The following EPB41L1 variants were observed in gnomAD, a reference collection of about 807,000 sequenced individuals.
The protein encoded by EPB41L1 is band 4.1-like protein 1.
EPB41L1 carries 29 observed loss-of-function variants against 97.8 expected under a neutral mutation model. The observed-to-expected ratio is 0.30, with a 90% confidence interval of 0.22 to 0.40. EPB41L1 has a LOEUF of 0.40. Ranked by LOEUF, EPB41L1 falls within the 10% of genes least tolerant of loss-of-function variation. The pLI is 1.00. For synonymous variants in EPB41L1, 383 were observed against 459.2 expected, an observed-to-expected ratio of 0.83 and a Z score of 2.12; for missense variants, 812 against 1,162.3, an observed-to-expected ratio of 0.70 and a Z score of 4.38.
intron 21 of EPB41L1, among the ~76,000 whole-genome samples, chr20:36,223,189 C>T (rs2063895966): frequency 6.6e-6 from 1 of 152,060 alleles, no homozygotes; most frequent in African/African-American, 2.4e-5. Context: ...TGAGCCACCG[C>T]ACCCAGCCTA....
intron 2 of EPB41L1, among the ~76,000 whole-genome samples, chr20:36,118,225 G>A (rs2058647090): frequency 6.6e-6 from 1 of 152,164 alleles, no homozygotes; most frequent in Non-Finnish European, 1.5e-5. Flanking sequence ...GATGGTGCGT[G>A]CCTATAATCC....
At chr20:36,225,964 ATC>A (rs1301925749) in intron 21 of EPB41L1, among the ~76,000 whole-genome samples, 1 of 151,944 alleles carries the variant, frequency 6.6e-6, no homozygotes, top group Non-Finnish European at 1.5e-5. Flanking sequence ...ACCATGCCCC[ATC>A]TCTCTCTCTT....
At chr20:36,144,404 C>T (rs2059760907) in intron 2 of EPB41L1, among the ~76,000 whole-genome samples, 1 of 152,314 alleles carries the variant, frequency 6.6e-6, no homozygotes, top group South Asian at 2.1e-4. Flanking sequence ...TGGCATGGAT[C>T]CAACTGAACA....
intron 11 of EPB41L1, among the ~76,000 whole-genome samples, chr20:36,191,777 T>G (rs2061962412): frequency 6.6e-6 from 1 of 152,238 alleles, no homozygotes; most frequent in South Asian, 2.1e-4. Context: ...CCTGAGCCTA[T>G]TTCCTCTTCT....
intron 1 of EPB41L1, among the ~76,000 whole-genome samples, chr20:36,108,492 T>A (rs902552165): frequency 4.9e-3 from 1 of 206 alleles, no homozygotes; most frequent in African/African-American, 0.016. Context: ...CTGGGCAACA[T>A]GGGGAAACCT....
At chr20:36,169,830 A>G (rs1451418963) in intron 1 of EPB41L1, among the ~76,000 whole-genome samples, 1 of 152,216 alleles carries the variant, frequency 6.6e-6, no homozygotes, top group African/African-American at 2.4e-5. Context: ...GAGAGGCTGA[A>G]ACATACATGG....
chr20:36,127,382 T>A (rs943926774), intron 2 of EPB41L1, among the ~76,000 whole-genome samples: 2 of 152,106 alleles, frequency 1.3e-5, no homozygotes, highest in Non-Finnish European at 2.9e-5. Flanking sequence ...TAAGCTTTGG[T>A]GAATGGAAGG....
At position 36,231,971 on chromosome 20, in the gene EPB41L1, C is replaced by A. The variant is rs2064508296; in HGVS notation, c.*2631C>A. On this transcript the variant is annotated 3_prime_UTR_variant, in exon 22 of 22. Coordinates refer to ENST00000338074, the MANE Select transcript of EPB41L1 (RefSeq NM_012156.2). ...CTGAACACACCTCAGAGGGAGGATC[C>A]TTGTTGTGGATTTTGCACCTGGCTT... 1 of 152,878 alleles carries A rather than the reference C, an allele frequency of 6.5e-6. No individual in the cohort carries two copies. Among genetic ancestry groups the A allele is most frequent in the South Asian group, 2.1e-4 (1 of 4,814 alleles). The allele number at this position is 152,878 out of a possible 1,614,324, so 9.5% of individuals were successfully genotyped here.
chr20:36,163,733 G>A (rs150596887), intron 1 of EPB41L1, among the ~76,000 whole-genome samples: 34 of 152,306 alleles, frequency 2.2e-4, no homozygotes, highest in African/African-American at 7.0e-4. Flanking sequence ...TTCCGTGACT[G>A]GTAGAGGTGG....
rs1474752663 is a variant in EPB41L1 at position 36,229,944 on chromosome 20, A to G, written c.*604A>G. 2.6e-5 allele frequency: 4 copies of G among 152,634 alleles called. No homozygotes were observed. The highest frequency in any genetic ancestry group is 4.4e-5 in the Non-Finnish European group (3 of 68,050). The allele number at this position is 152,634 out of a possible 1,614,324, so 9.5% of individuals were successfully genotyped here. ...CCACTTGGAAAGAAAGAGGAGGAAC[A>G]CTGGATTCTTACTTTCTGGATCTTG... On this transcript the variant is annotated 3_prime_UTR_variant, in exon 22 of 22. Transcript: ENST00000338074.
chr20:36,150,132 A>C (rs2059992583), upstream of EPB41L1, among the ~76,000 whole-genome samples: 1 of 150,984 alleles, frequency 6.6e-6, no homozygotes. Context: ...CAATAGCACG[A>C]TCTCAGCTTA....
intron 1 of EPB41L1, among the ~76,000 whole-genome samples, chr20:36,170,269 TA>T (rs1382059962): frequency 6.6e-6 from 1 of 152,172 alleles, no homozygotes; most frequent in Non-Finnish European, 1.5e-5. Context: ...ACCTCTAACT[TA>T]AACTCATTCA....
chr20:36,201,004 C>A, intron 14 of EPB41L1: 1 of 456,876 alleles, frequency 2.2e-6, no homozygotes, highest in Middle Eastern at 3.3e-4. Context: ...TCCTGTGCCC[C>A]TTCCTCCTGC....
At chr20:36,220,344 T>C (rs2063711202) in intron 19 of EPB41L1, among the ~76,000 whole-genome samples, 1 of 152,230 alleles carries the variant, frequency 6.6e-6, no homozygotes, top group African/African-American at 2.4e-5. Flanking sequence ...GTCAACTTTG[T>C]GTTAGCCTCT....
At chr20:36,224,184 T>C (rs1479990018) in intron 21 of EPB41L1, among the ~76,000 whole-genome samples, 3 of 152,308 alleles carry the variant, frequency 2.0e-5, no homozygotes, top group Admixed American at 6.5e-5. Context: ...ATGTGGCTAT[T>C]GAGGACTTGA....
intron 1 of EPB41L1, chr20:36,112,318 A>C (rs1335707900): frequency 6.6e-6 from 1 of 152,188 alleles, no homozygotes; most frequent in Non-Finnish European, 1.5e-5. Context: ...AGGTTCAGCA[A>C]CTTCCCTAAG....
intron 2 of EPB41L1, among the ~76,000 whole-genome samples, chr20:36,124,375 T>C (rs1019030742): frequency 6.6e-6 from 1 of 152,222 alleles, no homozygotes; most frequent in Non-Finnish European, 1.5e-5. Flanking sequence ...TTCAGAGCCC[T>C]GAGTGAGCCG....
At chr20:36,180,682 A>G (rs894538625) in intron 5 of EPB41L1, among the ~76,000 whole-genome samples, 2 of 152,180 alleles carry the variant, frequency 1.3e-5, no homozygotes, top group African/African-American at 4.8e-5. Context: ...GCTAGTACTT[A>G]TATTTATGTT....
intron 19 of EPB41L1, 61 bp downstream of exon 19, chr20:36,219,905 G>T (rs767298652): frequency 7.5e-5 from 109 of 1,447,268 alleles, no homozygotes; most frequent in Middle Eastern, 1.7e-4. Context: ...GGTCATGACT[G>T]TTGTTCTGCT....
Sources: gnomAD v4.1 joint callset for allele counts (sites outside exome capture counted in the v4.1 genomes callset) on GRCh38, gnomAD v4.1.1 for gene constraint, MANE v1.5 for transcripts, NCBI Gene and HGNC (gene_info 2026-07-23, HGNC 2026-07-21) for gene names.